Variants in TMEM131 observed in about 807,000 individuals in gnomAD.
TMEM131 encodes the protein transmembrane protein 131, also known as 2610524E03Rik.
TMEM131 carries 66 observed loss-of-function variants against 211.6 expected under a neutral mutation model. That is an observed-to-expected ratio of 0.31 (90% confidence interval 0.26 to 0.38). The LOEUF (loss-of-function observed/expected upper bound fraction) is 0.38, where lower values mean the gene tolerates loss of function less well. TMEM131 is among the 10% of genes least tolerant of loss of function. The pLI is 1.00. For synonymous variants in TMEM131, 844 were observed against 841.3 expected, an observed-to-expected ratio of 1.00 and a Z score of -0.06; for missense variants, 2,036 against 2,299.3, an observed-to-expected ratio of 0.89 and a Z score of 2.34.
chr2:97,809,721 G>C lies in TMEM131; in HGVS notation c.2022C>G (p.Phe674Leu). 1 of 1,610,944 alleles carries C rather than the reference G, an allele frequency of 6.2e-7. No homozygotes were observed. The highest frequency in any genetic ancestry group is 8.5e-7 in the Non-Finnish European group (1 of 1,178,624). The stretch of plus-strand genomic sequence containing the variant: ...AAGGTGGAAGAACCACGTGCTTAGG[G>C]AAGCAGGTCAGTGAGCCTACTGCAA... The part of the protein sequence containing the change: ...AVIAVGSLTC[F>L]PKHVVLPPSF... The change falls in exon 19 of 41, where the codon TTC becomes TTG. Residue 674 changes from phenylalanine (F) to leucine (L), a missense_variant. Around this residue, in one of 3 missense-constraint regions of TMEM131, gnomAD observed 1,623 missense variants for 1,805.9 expected, o/e 0.90. Coordinates refer to ENST00000186436, the MANE Select transcript of TMEM131 (RefSeq NM_015348.2).
chr2:97,934,752 T>C (rs932082003), intron 1 of TMEM131, among the ~76,000 whole-genome samples: 3 of 152,160 alleles, frequency 2.0e-5, no homozygotes, highest in Non-Finnish European at 2.9e-5. Flanking sequence ...AAGCAATTCA[T>C]TGGAAGAACA....
intron 31 of TMEM131, among the ~76,000 whole-genome samples, chr2:97,790,702 C>T (rs1047470949): frequency 6.6e-6 from 1 of 152,080 alleles, no homozygotes; most frequent in Admixed American, 6.6e-5. Flanking sequence ...GTGGGGAAAA[C>T]GCTATGTAAC....
intron 3 of TMEM131, among the ~76,000 whole-genome samples, chr2:97,889,314 C>T (rs1391856490): frequency 6.6e-6 from 1 of 152,064 alleles, no homozygotes; most frequent in Admixed American, 6.5e-5. Context: ...ACTAAAGACA[C>T]CGGGACATGA....
At chr2:97,789,951 C>A (rs761595283) in intron 31 of TMEM131, among the ~76,000 whole-genome samples, 8 of 152,110 alleles carry the variant, frequency 5.3e-5, no homozygotes, top group Admixed American at 4.6e-4. Context: ...GCCATCCAAC[C>A]GCAGAAGGCA....
intron 1 of TMEM131, among the ~76,000 whole-genome samples, chr2:97,949,804 AGT>A (rs1387891889): frequency 7.6e-5 from 9 of 117,862 alleles, no homozygotes; most frequent in Non-Finnish European, 1.2e-4. Context: ...TGGGCGACAG[AGT>A]GAGACTGTCT....
At chr2:97,951,645 G>C (rs1559470481) in intron 1 of TMEM131, among the ~76,000 whole-genome samples, 2 of 152,100 alleles carry the variant, frequency 1.3e-5, no homozygotes. Flanking sequence ...GTTTATGCCT[G>C]TTGGCAATTT....
At position 97,877,534 on chromosome 2, in the gene TMEM131, G is replaced by C. The variant is rs955776125; in HGVS notation, c.359+10518C>G. Among the ~76,000 whole-genome samples, 6 of 152,180 alleles carry C rather than the reference G, an allele frequency of 3.9e-5. No homozygotes were observed. In the East Asian group the frequency reaches 1.2e-3, roughly 29 times the overall value. On this transcript the variant is annotated intron_variant, in intron 4 of 40. Coordinates refer to ENST00000186436, the MANE Select transcript of TMEM131 (RefSeq NM_015348.2). ...TATAGACCAACGGAACAGAAGAAAGGCCTCAGAAACAACACCACACATCTA... is the reference window on the plus strand; with the variant it reads ...TATAGACCAACGGAACAGAAGAAAGCCCTCAGAAACAACACCACACATCTA...
At chr2:97,830,714 A>T (rs1337766996) in intron 11 of TMEM131, among the ~76,000 whole-genome samples, 1 of 152,226 alleles carries the variant, frequency 6.6e-6, no homozygotes, top group Non-Finnish European at 1.5e-5. Flanking sequence ...AATGTTTTGT[A>T]AATGCTGAGG....
At chr2:97,902,918 G>A (rs1012248429) in intron 3 of TMEM131, among the ~76,000 whole-genome samples, 5 of 152,162 alleles carry the variant, frequency 3.3e-5, no homozygotes, top group Non-Finnish European at 7.3e-5. Flanking sequence ...AAGTTCTTCA[G>A]TTTGGGACTC....
chr2:97,805,310 G>A (rs889085751), intron 21 of TMEM131, 66 bp downstream of exon 21: 12 of 1,571,538 alleles, frequency 7.6e-6, no homozygotes, highest in South Asian at 2.3e-5. Flanking sequence ...TAAAAGTGGC[G>A]GCCTCTTACT....
chr2:97,760,037 A>G (rs1333119015), intron 38 of TMEM131: 2 of 374,020 alleles, frequency 5.3e-6, no homozygotes, highest in Middle Eastern at 1.5e-3. Context: ...TTGGTACTGG[A>G]AGATTTATTT....
chr2:97,955,034 T>G (rs1194868582), intron 1 of TMEM131, among the ~76,000 whole-genome samples: 3 of 152,068 alleles, frequency 2.0e-5, no homozygotes, highest in Non-Finnish European at 4.4e-5. Flanking sequence ...AAAATTTTTT[T>G]AAAACTATAG....
chr2:97,918,286 T>G (rs1043915536), intron 2 of TMEM131, among the ~76,000 whole-genome samples: 1 of 152,162 alleles, frequency 6.6e-6, no homozygotes, highest in Non-Finnish European at 1.5e-5. Context: ...ATCTTGAGTA[T>G]TCTCATTAGG....
chr2:97,879,280 A>G (rs1674824656), intron 4 of TMEM131, among the ~76,000 whole-genome samples: 1 of 152,230 alleles, frequency 6.6e-6, no homozygotes, highest in Admixed American at 6.5e-5. Flanking sequence ...GGCAGAAATA[A>G]GAGACAGAAG....
intron 4 of TMEM131, among the ~76,000 whole-genome samples, chr2:97,873,435 C>A (rs1359921089): frequency 6.6e-6 from 1 of 152,212 alleles, no homozygotes; most frequent in Non-Finnish European, 1.5e-5. Flanking sequence ...GGTCCCTGAC[C>A]GCCGTGTATC....
intron 1 of TMEM131, among the ~76,000 whole-genome samples, chr2:97,991,513 A>G (rs2104683681): frequency 6.6e-6 from 1 of 152,298 alleles, no homozygotes; most frequent in South Asian, 2.1e-4. Flanking sequence ...TGAAAACTGG[A>G]GGTGGCGCAA....
intron 1 of TMEM131, among the ~76,000 whole-genome samples, chr2:97,971,939 G>A (rs527309055): frequency 3.9e-5 from 6 of 152,150 alleles, no homozygotes; most frequent in Non-Finnish European, 8.8e-5. Context: ...CGGGCACAGT[G>A]GCTCACACCT....
At chr2:97,801,753 A>C (rs1324198480) in intron 25 of TMEM131, 142 bp downstream of exon 25, 1 of 499,438 alleles carries the variant, frequency 2.0e-6, no homozygotes, top group African/African-American at 2.0e-5. Flanking sequence ...TTTGCCTCTG[A>C]AATAATTACT....
At chr2:97,945,856 T>C (rs1185829712) in intron 1 of TMEM131, among the ~76,000 whole-genome samples, 5 of 152,166 alleles carry the variant, frequency 3.3e-5, no homozygotes, top group Admixed American at 6.5e-5. Context: ...TTCACTCTTT[T>C]AAAAAGATAT....
Sources: allele counts gnomAD v4.1 joint callset (sites outside exome capture counted in the v4.1 genomes callset), GRCh38; gene constraint gnomAD v4.1.1; regional missense constraint gnomAD v4.1.1; transcripts MANE v1.5; gene names NCBI Gene and HGNC (gene_info 2026-07-23, HGNC 2026-07-21).